Variants in XYLT1 observed in about 807,000 individuals in gnomAD.
XYLT1 encodes xylosyltransferase 1.
In XYLT1, 36 loss-of-function variants were observed where a neutral mutation model predicts 91.3. That is an observed-to-expected ratio of 0.39 (90% confidence interval 0.30 to 0.52). The LOEUF (loss-of-function observed/expected upper bound fraction) is 0.52. Ranked by LOEUF, XYLT1 falls within the 20% of genes least tolerant of loss-of-function variation. The pLI is 0.68. For missense variants in XYLT1, 1,242 were observed against 1,284.5 expected (o/e 0.97, Z 0.51); for synonymous variants, 588 against 532.0 (o/e 1.11, Z -1.45).
At chr16:17,253,823 T>TGAGAGAGAGAGAGAGAGAGAGAGAGAGA (rs3060128) in intron 3 of XYLT1, among the ~76,000 whole-genome samples, 1 of 114,886 alleles carries the variant, frequency 8.7e-6, no homozygotes, top group Admixed American at 9.1e-5. Context: ...CCTTGCAACT[T>TGAGAGAGAGAGAGAGAGAGAGAGAGAGA]GAGAGAGAGA....
At position 17,102,426 on chromosome 16, in the gene XYLT1, G is replaced by A. The variant is rs551408593; in HGVS notation, c.*6269C>T. ...CCTGCAGTGTTTTTGGTATGATACA[G>A]TATTTAATACATCCACTGTTTTCTG... On this transcript the variant is annotated 3_prime_UTR_variant, in exon 12 of 12. Coordinates refer to ENST00000261381, the MANE Select transcript of XYLT1 (RefSeq NM_022166.4). 13 of 152,700 alleles carry A rather than the reference G, an allele frequency of 8.5e-5. No individual in the cohort carries two copies. The highest frequency in any genetic ancestry group is 1.9e-4 in the Non-Finnish European group (13 of 68,026). The allele number at this position is 152,700 out of a possible 1,614,324, so 9.5% of individuals were successfully genotyped here. A position where few individuals can be genotyped will look rare whatever the true frequency, so the allele number is the denominator to read the frequency against.
intron 2 of XYLT1, among the ~76,000 whole-genome samples, chr16:17,279,079 AC>A (rs1426516096): frequency 1.3e-5 from 2 of 152,134 alleles, no homozygotes; most frequent in African/African-American, 4.8e-5. Context: ...TCCCTAATGC[AC>A]CTTTCAGCGT....
intron 1 of XYLT1, among the ~76,000 whole-genome samples, chr16:17,427,227 A>C (rs1277271449): frequency 6.6e-6 from 1 of 152,256 alleles, no homozygotes; most frequent in South Asian, 2.1e-4. Flanking sequence ...GAGGAAGTCT[A>C]AAATGTTGAC....
intron 2 of XYLT1, among the ~76,000 whole-genome samples, chr16:17,297,137 C>G (rs973023365): frequency 6.6e-6 from 1 of 152,180 alleles, no homozygotes; most frequent in African/African-American, 2.4e-5. Context: ...GCTGAGGTCT[C>G]AAAGGATAAA....
At chr16:17,186,695 T>C (rs1597177423) in intron 5 of XYLT1, among the ~76,000 whole-genome samples, 1 of 152,092 alleles carries the variant, frequency 6.6e-6, no homozygotes, top group African/African-American at 2.4e-5. Context: ...AGGGATGGTG[T>C]CTGTCCTGCT....
intron 1 of XYLT1, among the ~76,000 whole-genome samples, chr16:17,379,763 T>TCTCTCTTTCTCACACACACACA (rs373354877): frequency 1.6e-5 from 2 of 125,546 alleles, no homozygotes; most frequent in African/African-American, 6.3e-5. Flanking sequence ...TCTCTCTCTC[T>TCTCTCTTTCTCACACACACACA]CACACACACA....
intron 5 of XYLT1, among the ~76,000 whole-genome samples, chr16:17,165,420 C>G (rs2031653716): frequency 6.6e-6 from 1 of 152,130 alleles, no homozygotes; most frequent in Non-Finnish European, 1.5e-5. Context: ...GGCATGGTGG[C>G]TCATGCCTGT....
chr16:17,221,455 A>T (rs2032966485), intron 3 of XYLT1, among the ~76,000 whole-genome samples: 1 of 152,212 alleles, frequency 6.6e-6, no homozygotes, highest in Non-Finnish European at 1.5e-5. Context: ...CCAAGGAAGA[A>T]CAGGTTGAGA....
At chr16:17,205,028 C>T (rs1002224879) in intron 3 of XYLT1, among the ~76,000 whole-genome samples, 3 of 120,860 alleles carry the variant, frequency 2.5e-5, no homozygotes, top group Non-Finnish European at 5.4e-5. Flanking sequence ...TGGCACAAAA[C>T]AGAAAATAAG....
At chr16:17,468,171 G>A (rs995248820) in intron 1 of XYLT1, among the ~76,000 whole-genome samples, 2 of 152,264 alleles carry the variant, frequency 1.3e-5, no homozygotes, top group Non-Finnish European at 2.9e-5. Flanking sequence ...GGAACTGGGT[G>A]GGCACAGTCA....
At chr16:17,416,326 T>C (rs2036179572) in intron 1 of XYLT1, among the ~76,000 whole-genome samples, 1 of 152,252 alleles carries the variant, frequency 6.6e-6, no homozygotes, top group Non-Finnish European at 1.5e-5. Context: ...GAAACTGGCC[T>C]TGCCACGACC....
chr16:17,319,295 C>T (rs978319962), intron 2 of XYLT1, among the ~76,000 whole-genome samples: 1 of 152,142 alleles, frequency 6.6e-6, no homozygotes, highest in Non-Finnish European at 1.5e-5. Flanking sequence ...TCAATGCCTA[C>T]CATGTTCAAG....
At chr16:17,389,875 C>A (rs1179269417) in intron 1 of XYLT1, among the ~76,000 whole-genome samples, 1 of 152,160 alleles carries the variant, frequency 6.6e-6, no homozygotes, top group Non-Finnish European at 1.5e-5. Context: ...TAAGCTGCCA[C>A]CCAGGTCTTG....
At chr16:17,135,454 G>A (rs147546682) in intron 8 of XYLT1, among the ~76,000 whole-genome samples, 4 of 152,170 alleles carry the variant, frequency 2.6e-5, no homozygotes, top group Non-Finnish European at 5.9e-5. Context: ...CCTAGGAGGT[G>A]GAGGTTGCAG....
chr16:17,433,463 T>C (rs1357378738), intron 1 of XYLT1, among the ~76,000 whole-genome samples: 2 of 152,214 alleles, frequency 1.3e-5, no homozygotes, highest in Non-Finnish European at 2.9e-5. Flanking sequence ...CGGGAAGGGT[T>C]GCCTAGAATG....
intron 9 of XYLT1, among the ~76,000 whole-genome samples, chr16:17,131,772 C>T (rs77143254): frequency 6.6e-6 from 1 of 152,270 alleles, no homozygotes; most frequent in East Asian, 1.9e-4. Context: ...GCCTAAAATA[C>T]CCAGATAAAA....
chr16:17,263,780 C>A (rs943521203), intron 2 of XYLT1, among the ~76,000 whole-genome samples: 2 of 152,252 alleles, frequency 1.3e-5, no homozygotes, highest in South Asian at 4.2e-4. Flanking sequence ...GCCATCTTGG[C>A]TCACTGTAAC....
chr16:17,112,627 TA>T (rs1966844371), intron 11 of XYLT1, among the ~76,000 whole-genome samples: 1 of 151,998 alleles, frequency 6.6e-6, no homozygotes, highest in African/African-American at 2.4e-5. Context: ...TTAGAGATGG[TA>T]AAGATGTGAA....
In XYLT1 at chr16:17,101,772, T is replaced by C. The variant is rs1195684882; in HGVS notation, c.*6923A>G. Reference sequence around the variant, plus strand: ...TGCCATGTACCTATTCTACCTACATTCCATTGGCCTGAGTCAGTCACATGG... The same window carrying C: ...TGCCATGTACCTATTCTACCTACATCCCATTGGCCTGAGTCAGTCACATGG... On this transcript the variant is annotated 3_prime_UTR_variant, in exon 12 of 12. Transcript: ENST00000261381. 1 of 152,192 alleles carries C rather than the reference T, an allele frequency of 6.6e-6. No homozygotes were observed. Among genetic ancestry groups the C allele is most frequent in the East Asian group, 1.9e-4 (1 of 5,190 alleles). The allele number at this position is 152,192 out of a possible 1,614,324, so 9.4% of individuals were successfully genotyped here.
Sources: allele counts gnomAD v4.1 joint callset (sites outside exome capture counted in the v4.1 genomes callset), GRCh38; gene constraint gnomAD v4.1.1; transcripts MANE v1.5; gene names NCBI Gene and HGNC (gene_info 2026-07-23, HGNC 2026-07-21).